The following SEM1 variants were observed in gnomAD, a reference collection of about 807,000 sequenced individuals.
SEM1 encodes SEM1 26S proteasome subunit.
A neutral mutation model predicts 12.7 loss-of-function variants in SEM1; 3 were observed. The ratio of observed to expected loss-of-function variants is 0.24; its 90% CI spans 0.11 to 0.61. The LOEUF is 0.61. Among genes scored for constraint, SEM1 ranks in the 20% least tolerant of loss-of-function variants. The pLI, the probability that SEM1 is intolerant of heterozygous loss-of-function variation, is 0.88. For synonymous variants in SEM1, 30 were observed against 27.8 expected, an observed-to-expected ratio of 1.08 and a Z score of -0.25; for missense variants, 59 against 81.3, an observed-to-expected ratio of 0.73 and a Z score of 1.06.
At chr7:96,510,400 G>A (rs1190662869) in intron 2 of SEM1, among the ~76,000 whole-genome samples, 1 of 152,050 alleles carries the variant, frequency 6.6e-6, no homozygotes. Context: ...TGTACAGCAT[G>A]TTACTATACC....
intron 1 of SEM1, among the ~76,000 whole-genome samples, chr7:96,493,822 A>G (rs1300846737): frequency 1.3e-5 from 2 of 152,148 alleles, no homozygotes; most frequent in Non-Finnish European, 2.9e-5. Flanking sequence ...TCCCCAATCT[A>G]TGCCATTGCT....
downstream of SEM1, among the ~76,000 whole-genome samples, chr7:96,620,647 CCTTA>C (rs1807863759): frequency 1.3e-5 from 2 of 152,188 alleles, no homozygotes; most frequent in Non-Finnish European, 1.5e-5. Flanking sequence ...CAAACTCTCT[CCTTA>C]CTTACTTCTG....
At chr7:96,513,492 G>A (rs1207537553) in intron 2 of SEM1, among the ~76,000 whole-genome samples, 3 of 152,124 alleles carry the variant, frequency 2.0e-5, no homozygotes, top group African/African-American at 7.2e-5. Context: ...GCATTAGGGG[G>A]TTGATATGTT....
upstream of SEM1, among the ~76,000 whole-genome samples, chr7:96,497,202 A>C (rs1803321092): frequency 6.6e-6 from 1 of 152,172 alleles, no homozygotes; most frequent in South Asian, 2.1e-4. Context: ...ATGCAAGAGT[A>C]ATCTAATTTT....
chr7:96,597,445 C>T (rs1449750898), intron 2 of SEM1, among the ~76,000 whole-genome samples: 1 of 152,028 alleles, frequency 6.6e-6, no homozygotes, highest in Admixed American at 6.6e-5. Flanking sequence ...TCTGAAGTTT[C>T]CTGATCTCTC....
At chr7:96,566,742 T>C (rs989345697) in intron 2 of SEM1, among the ~76,000 whole-genome samples, 15 of 151,846 alleles carry the variant, frequency 9.9e-5, no homozygotes, top group Admixed American at 3.9e-4. Flanking sequence ...AATTCTCACA[T>C]AATTTCTTTC....
chr7:96,527,008 A>G (rs553251846), intron 2 of SEM1, among the ~76,000 whole-genome samples: 1 of 152,268 alleles, frequency 6.6e-6, no homozygotes, highest in East Asian at 1.9e-4. Flanking sequence ...TCCCTCAACC[A>G]GTGCCACAGA....
At chr7:96,617,680 T>C (rs1047657746), downstream of SEM1, among the ~76,000 whole-genome samples, 3 of 152,230 alleles carry the variant, frequency 2.0e-5, no homozygotes, top group Admixed American at 1.3e-4. Context: ...GGGTTTGTCA[T>C]ATATGGCCTT....
At chr7:96,523,584 C>A (rs904952321) in intron 2 of SEM1, among the ~76,000 whole-genome samples, 1 of 152,108 alleles carries the variant, frequency 6.6e-6, no homozygotes, top group Non-Finnish European at 1.5e-5. Context: ...GCTTTTGTTG[C>A]GGTTCAGACC....
At chr7:96,567,256 T>G (rs766886832) in intron 2 of SEM1, among the ~76,000 whole-genome samples, 4 of 151,620 alleles carry the variant, frequency 2.6e-5, no homozygotes, top group Non-Finnish European at 5.9e-5. Flanking sequence ...TCTTTTAAAG[T>G]CCCTTTATAT....
chr7:96,482,876 A>G (rs1802601635), exon 4 of SEM1: 1 of 152,206 alleles, frequency 6.6e-6, no homozygotes, highest in Admixed American at 6.5e-5. Flanking sequence ...GCTTGCTTAC[A>G]AACAACTAGG....
chr7:96,539,725 A>G (rs931604797), intron 2 of SEM1, among the ~76,000 whole-genome samples: 6 of 151,824 alleles, frequency 4.0e-5, no homozygotes, highest in Non-Finnish European at 8.8e-5. Context: ...CTTTGGATTC[A>G]TTGCTGCAAC....
intron 2 of SEM1, among the ~76,000 whole-genome samples, chr7:96,580,117 C>G (rs533177041): frequency 1.6e-3 from 193 of 119,742 alleles, no homozygotes; most frequent in Non-Finnish European, 2.7e-3. Context: ...TATCCCTCCC[C>G]CCTCCCCCCA....
At chr7:96,565,953 T>C (rs1805831782) in intron 2 of SEM1, among the ~76,000 whole-genome samples, 1 of 151,838 alleles carries the variant, frequency 6.6e-6, no homozygotes, top group Non-Finnish European at 1.5e-5. Flanking sequence ...CAAATTAATG[T>C]CAACAATATA....
At chr7:96,537,248 A>G (rs1804813718) in intron 2 of SEM1, among the ~76,000 whole-genome samples, 3 of 151,642 alleles carry the variant, frequency 2.0e-5, no homozygotes, top group Admixed American at 1.3e-4. Context: ...TCTCTTATCT[A>G]TATGTTATAA....
chr7:96,656,547 T>TA (rs1308904796), intron 2 of SEM1: 40 of 151,754 alleles, frequency 2.6e-4, no homozygotes, highest in African/African-American at 9.2e-4. Context: ...CATGATAAGT[T>TA]ATACTTTTTT....
At position 96,529,473 on chromosome 7, in the gene SEM1, T is replaced by A. The variant is rs563929759; in HGVS notation, c.171-22775A>T. Among the ~76,000 whole-genome samples, 8 of 152,220 alleles carry A rather than the reference T, an allele frequency of 5.3e-5. No individual in the cohort carries two copies. The South Asian group carries it at 8.3e-4, about 16-fold the overall frequency. ...ATTGTAATAGCATTTCTCTTCTAAT[T>A]TTCATCTCAAACTAAAAATCAGTTA... On this transcript the variant is annotated intron_variant and NMD_transcript_variant, in intron 2 of 3. Coordinates refer to the SEM1 transcript ENST00000466986.
intron 2 of SEM1, among the ~76,000 whole-genome samples, chr7:96,563,502 C>T (rs1805755382): frequency 6.6e-6 from 1 of 151,980 alleles, no homozygotes; most frequent in Non-Finnish European, 1.5e-5. Context: ...TTTCTCCAGC[C>T]AAATTCAACT....
chr7:96,677,520 T>C (rs1324493848), intron 2 of SEM1, among the ~76,000 whole-genome samples: 1 of 152,094 alleles, frequency 6.6e-6, no homozygotes, highest in East Asian at 1.9e-4. Context: ...CAAGACAACT[T>C]TGATTAACTT....
Sources: gnomAD v4.1 joint callset for allele counts (sites outside exome capture counted in the v4.1 genomes callset) on GRCh38, gnomAD v4.1.1 for gene constraint, MANE v1.5 for transcripts, NCBI Gene and HGNC (gene_info 2026-07-23, HGNC 2026-07-21) for gene names.